The following ANKRD50 variants were observed in gnomAD, a reference collection of about 807,000 sequenced individuals.
ANKRD50 encodes ankyrin repeat domain 50, also known as ankyrin repeat domain-containing protein 50.
Under a neutral mutation model 112.0 loss-of-function variants are expected in ANKRD50, and 40 were observed. That is an observed-to-expected ratio of 0.36 (90% CI 0.28 to 0.46). ANKRD50 has a LOEUF of 0.46. ANKRD50 is among the 20% of genes least tolerant of loss of function. The pLI, the probability that ANKRD50 is intolerant of heterozygous loss-of-function variation, is 1.00. For missense variants in ANKRD50, 1,487 were observed against 1,701.7 expected (o/e 0.87, Z 2.22); for synonymous variants, 613 against 619.1 (o/e 0.99, Z 0.15).
intron 2 of ANKRD50, among the ~76,000 whole-genome samples, chr4:124,679,515 T>C (rs928310230): frequency 1.3e-5 from 2 of 152,200 alleles, no homozygotes; most frequent in African/African-American, 4.8e-5. Context: ...AATTAATGCA[T>C]TTCTTATGCG....
chr4:124,703,006 A>G (rs189239773), intron 2 of ANKRD50, among the ~76,000 whole-genome samples: 46 of 152,078 alleles, frequency 3.0e-4, no homozygotes, highest in Non-Finnish European at 4.7e-4. Context: ...TTGATTGCTA[A>G]TAAGATAGCA....
At chr4:124,700,678 T>A (rs1043959844) in intron 2 of ANKRD50, among the ~76,000 whole-genome samples, 6 of 152,208 alleles carry the variant, frequency 3.9e-5, no homozygotes, top group Non-Finnish European at 7.3e-5. Context: ...TAGTGGTATA[T>A]CATAAACACC....
rs1277067761 is a variant in ANKRD50, at chr4:124,670,882, T to A, written c.2395A>T (p.Thr799Ser). ...ACAGCTGCACCCCAAAACAAAAGTGTATTTACAACTGATGCATGACCCATA... is the reference window on the plus strand; with the variant it reads ...ACAGCTGCACCCCAAAACAAAAGTGAATTTACAACTGATGCATGACCCATA... ...ASMGHASVVN[T>S]LLFWGAAVDS... Residue 799 changes from threonine to serine, a missense_variant, in exon 4 of 5, where the codon ACA (threonine) becomes TCA (serine). This residue lies in a region of ANKRD50 where 1,046 missense variants were observed against 1,269.5 expected (regional missense o/e 0.82). Coordinates refer to ENST00000504087, the MANE Select transcript of ANKRD50 (RefSeq NM_020337.3). 1.2e-6 allele frequency: 2 copies of A among 1,613,740 alleles called. No individual in the cohort carries two copies. Among genetic ancestry groups the A allele is most frequent in the Non-Finnish European group, 1.7e-6 (2 of 1,179,896 alleles).
At chr4:124,709,393 G>C (rs918999821) in intron 2 of ANKRD50, among the ~76,000 whole-genome samples, 1 of 151,980 alleles carries the variant, frequency 6.6e-6, no homozygotes, top group Non-Finnish European at 1.5e-5. Flanking sequence ...CACTTTCTTT[G>C]TACCACTCAC....
At chr4:124,692,229 G>A (rs779140396) in intron 2 of ANKRD50, among the ~76,000 whole-genome samples, 81 of 152,082 alleles carry the variant, frequency 5.3e-4, no homozygotes, top group African/African-American at 1.9e-3. Flanking sequence ...TTTGGATAAC[G>A]TATACTCAAC....
At chr4:124,705,398 G>A (rs1725483760) in intron 2 of ANKRD50, among the ~76,000 whole-genome samples, 1 of 152,020 alleles carries the variant, frequency 6.6e-6, no homozygotes, top group Admixed American at 6.5e-5. Flanking sequence ...CTTAACCCGT[G>A]TTACCCCTGA....
intron 3 of ANKRD50, 33 bp downstream of exon 3, chr4:124,678,643 C>T: frequency 6.4e-7 from 1 of 1,574,044 alleles, no homozygotes; most frequent in Non-Finnish European, 8.7e-7. Context: ...TAATGAAAAG[C>T]ATTTAAGGAT....
At position 124,672,164 on chromosome 4, in the gene ANKRD50, G is replaced by A. The variant is rs201430506; in HGVS notation, c.1113C>T (p.His371=). The A allele has an allele frequency of 1.1e-4, 176 of 1,613,842 alleles. No homozygotes were observed. The highest frequency in any genetic ancestry group is 3.2e-5 in the Non-Finnish European group (38 of 1,179,864). The change falls in exon 4 of 5, where the codon CAC becomes CAT. Residue 371 remains histidine (H), a synonymous_variant. Coordinates refer to ENST00000504087, the MANE Select transcript of ANKRD50 (RefSeq NM_020337.3). ...ACGACATGTTTTTGGTCCATACTGC[G>A]TGATATAATTCCGTTATGGTCAAAG... ...CRPLTITELY[H]AVWTKNMSLT...
At position 124,671,751 on chromosome 4, in the gene ANKRD50, C is replaced by G. The variant is rs750281053; in HGVS notation, c.1526G>C (p.Ser509Thr). 5 of 1,613,894 alleles carry G rather than the reference C, an allele frequency of 3.1e-6. No homozygotes were observed. The highest frequency in any genetic ancestry group is 1.1e-5 in the South Asian group (1 of 91,084). ...LLVKAGAHVNSEDDRTSCIVR... is the reference protein window; with the variant it reads ...LLVKAGAHVNTEDDRTSCIVR... ...TATGCATGATGTGCGATCGTCTTCA[C>G]TGTTGACATGAGCCCCAGCTTTAAC... The change falls in exon 4 of 5, where the codon AGT (serine) becomes ACT (threonine). Residue 509 changes from serine (S) to threonine (T), a missense_variant. This residue lies in a region of ANKRD50 where 1,046 missense variants were observed against 1,269.5 expected (regional missense o/e 0.82). Coordinates refer to ENST00000504087, the MANE Select transcript of ANKRD50 (RefSeq NM_020337.3).
intron 2 of ANKRD50, among the ~76,000 whole-genome samples, chr4:124,680,833 G>A (rs1724871860): frequency 6.6e-6 from 1 of 152,002 alleles, no homozygotes; most frequent in African/African-American, 2.4e-5. Context: ...GAAATAGCTG[G>A]GGGTAGGGGA....
At chr4:124,676,375 A>C (rs2110511597) in intron 3 of ANKRD50, among the ~76,000 whole-genome samples, 1 of 151,844 alleles carries the variant, frequency 6.6e-6, no homozygotes, top group Non-Finnish European at 1.5e-5. Context: ...GATGGCAAAG[A>C]GGGCTGGGAA....
intron 4 of ANKRD50, among the ~76,000 whole-genome samples, chr4:124,668,299 T>C (rs1730545914): frequency 6.6e-6 from 1 of 152,052 alleles, no homozygotes; most frequent in African/African-American, 2.4e-5. Context: ...CCATTTATCA[T>C]TTTTCACGTC....
intron 2 of ANKRD50, among the ~76,000 whole-genome samples, chr4:124,691,215 G>A (rs978140549): frequency 1.1e-4 from 17 of 152,104 alleles, no homozygotes; most frequent in African/African-American, 2.9e-4. Context: ...AGAACAGGCC[G>A]GGCGTGGTGG....
At position 124,669,826 on chromosome 4, in the gene ANKRD50, G is replaced by A. The variant is rs748502338; in HGVS notation, c.3451C>T (p.Arg1151Cys). The change falls in exon 4 of 5, where the codon CGT (arginine) becomes TGT (cysteine). Residue 1151 changes from arginine (R) to cysteine (C), a missense_variant. Around this residue, in one of 2 missense-constraint regions of ANKRD50, gnomAD observed 441 missense variants for 432.2 expected, o/e 1.02. Coordinates refer to ENST00000504087, the MANE Select transcript of ANKRD50 (RefSeq NM_020337.3). The part of the protein sequence containing the change: ...TGGGDMQPSL[R>C]GLPNGPTHAF... ...TGAGTAGGCCCATTAGGTAAACCAC[G>A]TAACGAAGGCTGCATATCCCCTCCA... The A allele has an allele frequency of 7.4e-6, 12 of 1,612,822 alleles. No homozygotes were observed. The highest frequency in any genetic ancestry group is 3.3e-5 in the South Asian group (3 of 90,818).
chr4:124,681,766 C>T (rs1290587757), intron 2 of ANKRD50, among the ~76,000 whole-genome samples: 2 of 152,004 alleles, frequency 1.3e-5, no homozygotes, highest in African/African-American at 2.4e-5. Flanking sequence ...CCATACTTTC[C>T]TTCTCCTCTA....
At chr4:124,674,775 A>T (rs116158061) in intron 3 of ANKRD50, among the ~76,000 whole-genome samples, 2,194 of 151,872 alleles carry the variant, frequency 0.014, 53 homozygotes, top group African/African-American at 0.05. Flanking sequence ...TTTAGAGAAT[A>T]AATCTCCCCC....
intron 2 of ANKRD50, among the ~76,000 whole-genome samples, chr4:124,707,127 C>T (rs955771004): frequency 3.3e-5 from 5 of 151,828 alleles, no homozygotes; most frequent in African/African-American, 7.3e-5. Context: ...TTGTCAAAAG[C>T]GAAAAATAAA....
intron 2 of ANKRD50, among the ~76,000 whole-genome samples, chr4:124,679,616 G>T (rs1228530713): frequency 6.6e-6 from 1 of 151,978 alleles, no homozygotes; most frequent in East Asian, 1.9e-4. Context: ...TGTGCTGTGG[G>T]GTCAATAAGG....
At position 124,672,500 on chromosome 4, in the gene ANKRD50, C is replaced by T. The variant is rs1317220643; in HGVS notation, c.777G>A (p.Lys259=). The change falls in exon 4 of 5, where the codon AAG becomes AAA. Residue 259 remains lysine, a synonymous_variant. Coordinates refer to ENST00000504087, the MANE Select transcript of ANKRD50 (RefSeq NM_020337.3). The part of the protein sequence containing the change: ...FRKISLDDLR[K]AYIVKDVQQY... ...GCTGAACATCCTTGACGATATATGC[C>T]TTCCGAAGGTCATCTAAACTTATTT... 7.5e-6 allele frequency: 12 copies of T among 1,599,336 alleles called. No individual in the cohort carries two copies. Among genetic ancestry groups the T allele is most frequent in the South Asian group, 1.1e-5 (1 of 87,118 alleles).
Sources: allele counts gnomAD v4.1 joint callset (sites outside exome capture counted in the v4.1 genomes callset), GRCh38; gene constraint gnomAD v4.1.1; regional missense constraint gnomAD v4.1.1; transcripts MANE v1.5; gene names NCBI Gene and HGNC (gene_info 2026-07-23, HGNC 2026-07-21).